PIP5K1B: variants seen among roughly 807,000 people sequenced by gnomAD.
The protein encoded by PIP5K1B is phosphatidylinositol 4-phosphate 5-kinase type-1 beta.
In PIP5K1B, 42 loss-of-function variants were observed where a neutral mutation model predicts 67.0. The ratio of observed to expected loss-of-function variants is 0.63; its 90% CI spans 0.49 to 0.81. The LOEUF (loss-of-function observed/expected upper bound fraction) is 0.81, where lower values mean the gene tolerates loss of function less well. PIP5K1B is among the 30% of genes least tolerant of loss of function. The probability of loss-of-function intolerance (pLI) is 0.00; values close to 1 mark genes in which losing one functional copy is unlikely to be tolerated. For synonymous variants in PIP5K1B, 214 were observed against 231.4 expected, an observed-to-expected ratio of 0.92 and a Z score of 0.68; for missense variants, 459 against 646.3, an observed-to-expected ratio of 0.71 and a Z score of 3.14.
chr9:68,767,101 C>T (rs1830463659), intron 2 of PIP5K1B, among the ~76,000 whole-genome samples: 1 of 152,120 alleles, frequency 6.6e-6, no homozygotes, highest in Admixed American at 6.5e-5. Context: ...CCATGTAAAC[C>T]TGACAGATGG....
intron 4 of PIP5K1B, among the ~76,000 whole-genome samples, chr9:68,850,796 T>C (rs1822445103): frequency 6.6e-6 from 1 of 152,230 alleles, no homozygotes. Context: ...ATCAAATAAA[T>C]AACAATTTTT....
At chr9:68,758,203 C>T (rs1830025544) in intron 2 of PIP5K1B, among the ~76,000 whole-genome samples, 1 of 151,966 alleles carries the variant, frequency 6.6e-6, no homozygotes. Flanking sequence ...TTCCAAATGT[C>T]TAGGATACAA....
At chr9:68,736,702 C>T (rs879650779) in intron 1 of PIP5K1B, among the ~76,000 whole-genome samples, 1 of 152,238 alleles carries the variant, frequency 6.6e-6, no homozygotes, top group Non-Finnish European at 1.5e-5. Flanking sequence ...AACCTCACCT[C>T]TGCTTCAGTC....
chr9:68,876,774 A>ATCAAGCCTGATGATTACTT lies in PIP5K1B; in HGVS notation c.299_317dup (p.Leu106PhefsTer4). 1 of 1,535,396 alleles carries ATCAAGCCTGATGATTACTT rather than the reference A, an allele frequency of 6.5e-7. No individual in the cohort carries two copies. The highest frequency in any genetic ancestry group is 9.0e-7 in the Non-Finnish European group (1 of 1,108,128). On this transcript the variant is annotated frameshift_variant, in exon 6 of 16. Transcript: ENST00000265382. LOFTEE classifies it high-confidence loss of function. ...CCGATATTTCAGAGAACTTTTTGGT[A>ATCAAGCCTGATGATTACTT]TCAAGCCTGATGATTACTTGGTAAG...
chr9:68,850,672 C>A (rs1332262559), intron 4 of PIP5K1B, among the ~76,000 whole-genome samples: 1 of 152,192 alleles, frequency 6.6e-6, no homozygotes. Flanking sequence ...ATAACAAGTC[C>A]TCTACCAGGA....
chr9:68,789,089 A>G, intron 2 of PIP5K1B: 2 of 536,824 alleles, frequency 3.7e-6, no homozygotes, highest in East Asian at 4.7e-5. Flanking sequence ...CTGATTTATC[A>G]ATAATGGCAT....
At chr9:68,732,853 T>A (rs974371044) in intron 1 of PIP5K1B, among the ~76,000 whole-genome samples, 5 of 137,276 alleles carry the variant, frequency 3.6e-5, no homozygotes. Context: ...AATTGATTAC[T>A]GGCACAGTGG....
At chr9:68,831,762 G>A (rs1360309072) in intron 4 of PIP5K1B, among the ~76,000 whole-genome samples, 1 of 151,878 alleles carries the variant, frequency 6.6e-6, no homozygotes, top group African/African-American at 2.4e-5. Context: ...TGCAACCTCC[G>A]CTGCCCGGGT....
chr9:68,797,200 C>T (rs935930925), intron 2 of PIP5K1B, among the ~76,000 whole-genome samples: 15 of 152,098 alleles, frequency 9.9e-5, no homozygotes, highest in East Asian at 1.9e-4. Flanking sequence ...TTAATGTCTA[C>T]GATGCTTTGT....
intron 4 of PIP5K1B, among the ~76,000 whole-genome samples, chr9:68,861,905 T>TG (rs1465085183): frequency 6.6e-6 from 1 of 151,386 alleles, no homozygotes; most frequent in Non-Finnish European, 1.5e-5. Context: ...GTTTTTTGTT[T>TG]TTTTTTTTTA....
intron 12 of PIP5K1B, among the ~76,000 whole-genome samples, chr9:68,927,277 A>G (rs1826757700): frequency 6.6e-6 from 1 of 152,196 alleles, no homozygotes. Flanking sequence ...ATTTCTTCTG[A>G]ATATGTACCT....
chr9:68,820,612 G>A (rs75323685), intron 3 of PIP5K1B, among the ~76,000 whole-genome samples: 10 of 152,136 alleles, frequency 6.6e-5, no homozygotes, highest in African/African-American at 2.2e-4. Flanking sequence ...AGCATATGCC[G>A]TGTTTATTAA....
intron 6 of PIP5K1B, among the ~76,000 whole-genome samples, chr9:68,885,462 C>T (rs1478354590): frequency 6.6e-6 from 1 of 152,194 alleles, no homozygotes; most frequent in Non-Finnish European, 1.5e-5. Flanking sequence ...TAAATATTCT[C>T]ACCACAAGGA....
intron 2 of PIP5K1B, among the ~76,000 whole-genome samples, chr9:68,755,413 C>T (rs1033048526): frequency 1.3e-5 from 2 of 152,192 alleles, no homozygotes; most frequent in Non-Finnish European, 2.9e-5. Flanking sequence ...GAGGAAGATA[C>T]TAATTCAAAA....
At chr9:68,735,603 T>C (rs893203640) in intron 1 of PIP5K1B, among the ~76,000 whole-genome samples, 2 of 152,182 alleles carry the variant, frequency 1.3e-5, no homozygotes, top group East Asian at 3.8e-4. Flanking sequence ...TTGGCCGAGC[T>C]GGTCTCGAAC....
chr9:68,800,739 C>T (rs1043835309), intron 2 of PIP5K1B, among the ~76,000 whole-genome samples: 4 of 152,162 alleles, frequency 2.6e-5, no homozygotes, highest in African/African-American at 4.8e-5. Context: ...ATCTTTTTCT[C>T]ATTTTTCTGC....
At chr9:68,748,525 A>G (rs1378106690) in intron 2 of PIP5K1B, among the ~76,000 whole-genome samples, 8 of 151,602 alleles carry the variant, frequency 5.3e-5, no homozygotes, top group African/African-American at 1.9e-4. Context: ...TGCCATCATA[A>G]TTTTTACAGA....
At chr9:68,990,283 G>C (rs556139846) in intron 14 of PIP5K1B, among the ~76,000 whole-genome samples, 3 of 152,094 alleles carry the variant, frequency 2.0e-5, no homozygotes, top group Non-Finnish European at 4.4e-5. Flanking sequence ...CTCTATGCCA[G>C]ACTCTGGCTC....
chr9:68,878,432 A>G (rs1000114795), intron 6 of PIP5K1B, among the ~76,000 whole-genome samples: 1 of 152,142 alleles, frequency 6.6e-6, no homozygotes, highest in Non-Finnish European at 1.5e-5. Context: ...AGCCTCCCCA[A>G]GTTTCCTAAT....
Sources: gnomAD v4.1 joint callset for allele counts (sites outside exome capture counted in the v4.1 genomes callset) on GRCh38, gnomAD v4.1.1 for gene constraint, MANE v1.5 for transcripts, NCBI Gene and HGNC (gene_info 2026-07-23, HGNC 2026-07-21) for gene names.